The following ADGRL3 variants were observed in gnomAD, a reference collection of about 807,000 sequenced individuals.
ADGRL3 encodes the protein calcium-independent alpha-latrotoxin receptor 3.
ADGRL3 carries 62 observed loss-of-function variants against 153.5 expected under a neutral mutation model. That is an observed-to-expected ratio of 0.40 (90% CI 0.33 to 0.50). The LOEUF (loss-of-function observed/expected upper bound fraction) is 0.50. Ranked by LOEUF, ADGRL3 falls within the 20% of genes least tolerant of loss-of-function variation. The pLI is 0.47. For synonymous variants in ADGRL3, 710 were observed against 672.5 expected, an observed-to-expected ratio of 1.06 and a Z score of -0.86; for missense variants, 1,641 against 1,859.4, an observed-to-expected ratio of 0.88 and a Z score of 2.16.
At chr4:61,731,334 G>A (rs1370632441) in intron 7 of ADGRL3, among the ~76,000 whole-genome samples, 1 of 151,838 alleles carries the variant, frequency 6.6e-6, no homozygotes, top group Admixed American at 6.6e-5. Flanking sequence ...GTTTTCCATT[G>A]CATCTATGCT....
intron 17 of ADGRL3, among the ~76,000 whole-genome samples, chr4:61,973,934 T>C (rs2099038591): frequency 6.6e-6 from 1 of 152,188 alleles, no homozygotes; most frequent in Non-Finnish European, 1.5e-5. Context: ...AAATCTGCTG[T>C]CTTCATCTGC....
At chr4:61,723,583 G>GA (rs891451036) in intron 6 of ADGRL3, among the ~76,000 whole-genome samples, 12 of 152,014 alleles carry the variant, frequency 7.9e-5, no homozygotes, top group African/African-American at 2.4e-4. Context: ...CGTAGCCAGT[G>GA]AAAAAAACTG....
At chr4:61,694,949 G>C (rs886423802) in intron 6 of ADGRL3, among the ~76,000 whole-genome samples, 1 of 152,060 alleles carries the variant, frequency 6.6e-6, no homozygotes, top group Admixed American at 6.6e-5. Flanking sequence ...GCAACTCCTC[G>C]TGTTCAGTTT....
intron 13 of ADGRL3, among the ~76,000 whole-genome samples, chr4:61,913,392 T>C (rs1395825562): frequency 1.3e-5 from 2 of 152,180 alleles, no homozygotes; most frequent in African/African-American, 4.8e-5. Flanking sequence ...CTCTAGTTTT[T>C]TGTTTTGTTT....
intron 8 of ADGRL3, among the ~76,000 whole-genome samples, chr4:61,807,641 C>T (rs149200020): frequency 3.9e-5 from 6 of 152,248 alleles, no homozygotes; most frequent in African/African-American, 1.2e-4. Flanking sequence ...TTCTTCCTAA[C>T]AGTTGCTGTA....
intron 2 of ADGRL3, among the ~76,000 whole-genome samples, chr4:61,489,702 A>G (rs1286323228): frequency 2.0e-5 from 3 of 152,018 alleles, no homozygotes; most frequent in African/African-American, 7.2e-5. Flanking sequence ...ATAATAGTTT[A>G]TTAATATACT....
At chr4:61,749,199 G>A (rs2096717491) in intron 8 of ADGRL3, among the ~76,000 whole-genome samples, 1 of 151,988 alleles carries the variant, frequency 6.6e-6, no homozygotes, top group Admixed American at 6.5e-5. Flanking sequence ...TCATTAAAAA[G>A]TCAGGAAACA....
chr4:61,321,835 A>C (rs2095362707), intron 1 of ADGRL3, among the ~76,000 whole-genome samples: 1 of 152,180 alleles, frequency 6.6e-6, no homozygotes, highest in South Asian at 2.1e-4. Context: ...TTTTAATCAC[A>C]GATTTCAATT....
intron 1 of ADGRL3, among the ~76,000 whole-genome samples, chr4:61,379,509 G>A (rs2096642862): frequency 6.6e-6 from 1 of 152,024 alleles, no homozygotes; most frequent in Non-Finnish European, 1.5e-5. Context: ...TGTTTTTTAA[G>A]TCTCAATTAC....
In ADGRL3 at chr4:61,597,994, C is replaced by A. The variant is rs554478088; in HGVS notation, c.473+10554C>A. Among the ~76,000 whole-genome samples the A allele has an allele frequency of 8.5e-5, 13 of 152,142 alleles. No individual in the cohort carries two copies. In the South Asian group the frequency reaches 2.7e-3, roughly 32 times the overall value. ...ACTGCTCTCTCACAAATTTTCTCTG[C>A]AGAATTTATCATAATACAGGTTTTT... On this transcript the variant is annotated intron_variant, in intron 5 of 26. Coordinates refer to ENST00000683033, the MANE Select transcript of ADGRL3 (RefSeq NM_001387552.1).
At chr4:61,949,650 G>C in intron 17 of ADGRL3, among the ~76,000 whole-genome samples, 1 of 151,906 alleles carries the variant, frequency 6.6e-6, no homozygotes, top group Middle Eastern at 3.4e-3. Context: ...AGCCGAGATC[G>C]CACCAGTGCA....
intron 25 of ADGRL3, among the ~76,000 whole-genome samples, chr4:62,053,755 T>C (rs1035077325): frequency 6.6e-6 from 1 of 151,562 alleles, no homozygotes; most frequent in Non-Finnish European, 1.5e-5. Flanking sequence ...TCTATTTTGT[T>C]CAGACACACT....
At chr4:61,447,052 C>A (rs1485144168) in intron 2 of ADGRL3, among the ~76,000 whole-genome samples, 4 of 152,078 alleles carry the variant, frequency 2.6e-5, no homozygotes, top group African/African-American at 9.7e-5. Context: ...ATTACTTTCC[C>A]AGTTTTCTCA....
chr4:61,552,825 T>A (rs1198987160), intron 4 of ADGRL3, among the ~76,000 whole-genome samples: 4 of 152,278 alleles, frequency 2.6e-5, no homozygotes, highest in Non-Finnish European at 4.4e-5. Context: ...ACTTAAAATA[T>A]CTAAAATTGC....
At chr4:61,205,190 C>G (rs969909162) in intron 1 of ADGRL3, among the ~76,000 whole-genome samples, 2 of 152,054 alleles carry the variant, frequency 1.3e-5, no homozygotes, top group Non-Finnish European at 2.9e-5. Context: ...TGATGCAAAA[C>G]TGAATTGTTT....
intron 8 of ADGRL3, among the ~76,000 whole-genome samples, chr4:61,741,096 T>G (rs2096575608): frequency 1.3e-5 from 2 of 152,226 alleles, no homozygotes; most frequent in Non-Finnish European, 2.9e-5. Flanking sequence ...ATCTGAGCCC[T>G]TTACTATGAC....
chr4:61,568,626 A>G (rs954403688), intron 4 of ADGRL3, among the ~76,000 whole-genome samples: 5 of 152,190 alleles, frequency 3.3e-5, no homozygotes, highest in African/African-American at 1.2e-4. Flanking sequence ...TTCATAGTCT[A>G]TGTTAGTCCT....
At chr4:61,271,002 A>T (rs569426998) in intron 1 of ADGRL3, among the ~76,000 whole-genome samples, 1 of 151,764 alleles carries the variant, frequency 6.6e-6, no homozygotes, top group Non-Finnish European at 1.5e-5. Flanking sequence ...AGCCTCCTAT[A>T]TGAGAGGCAT....
At chr4:61,757,122 A>T (rs977258857) in intron 8 of ADGRL3, among the ~76,000 whole-genome samples, 1 of 152,168 alleles carries the variant, frequency 6.6e-6, no homozygotes, top group Non-Finnish European at 1.5e-5. Context: ...GTTCAGGATG[A>T]TGCTGGCCTC....
Sources: gnomAD v4.1 joint callset for allele counts (sites outside exome capture counted in the v4.1 genomes callset) on GRCh38, gnomAD v4.1.1 for gene constraint, MANE v1.5 for transcripts, NCBI Gene and HGNC (gene_info 2026-07-23, HGNC 2026-07-21) for gene names.